Variants in ADGRL2 observed in about 807,000 individuals in gnomAD.
ADGRL2 encodes calcium-independent alpha-latrotoxin receptor 2.
A neutral mutation model predicts 157.4 loss-of-function variants in ADGRL2; 44 were observed. The ratio of observed to expected loss-of-function variants is 0.28; its 90% confidence interval spans 0.22 to 0.36. The LOEUF (loss-of-function observed/expected upper bound fraction) is 0.36, where lower values mean the gene tolerates loss of function less well. Among genes scored for constraint, ADGRL2 ranks in the 10% least tolerant of loss-of-function variants. ADGRL2 has a pLI of 1.00. For missense variants in ADGRL2, 1,510 were observed against 1,768.9 expected (o/e 0.85, Z 2.63); for synonymous variants, 585 against 624.7 (o/e 0.94, Z 0.95).
Position 81,719,377 on chromosome 1 carries a change from C to T in ADGRL2, c.-143+19569C>T, listed in dbSNP as rs535997159. On this transcript the variant is annotated intron_variant, in intron 1 of 20. Transcript: ENST00000359929. The stretch of plus-strand genomic sequence containing the variant: ...CTACAGACTCCTTAAGACAATATTC[C>T]TAAAGTTACTATATTTTTCAGTTTT... Among the ~76,000 whole-genome samples the T allele has an allele frequency of 2.0e-5, 3 of 152,278 alleles. No individual in the cohort carries two copies. The South Asian group carries it at 6.2e-4, about 32-fold the overall frequency.
chr1:81,768,127 A>C (rs1417739886), intron 2 of ADGRL2, among the ~76,000 whole-genome samples: 2 of 148,586 alleles, frequency 1.3e-5, no homozygotes, highest in East Asian at 4.1e-4. Context: ...CTCACTACAA[A>C]CTTGAACTCC....
intron 1 of ADGRL2, among the ~76,000 whole-genome samples, chr1:81,322,660 A>T (rs927614971): frequency 2.6e-5 from 4 of 152,122 alleles, no homozygotes; most frequent in African/African-American, 9.7e-5. Flanking sequence ...GGCATATTAT[A>T]ATTAGTTCTA....
intron 1 of ADGRL2, among the ~76,000 whole-genome samples, chr1:81,413,606 C>T (rs552962858): frequency 4.5e-4 from 68 of 152,192 alleles, no homozygotes; most frequent in Middle Eastern, 3.4e-3. Context: ...TGTCCTCGTT[C>T]GAGAGTTGTT....
rs1297530576 is a variant in ADGRL2 at position 81,968,026 on chromosome 1, C to G, written c.2350C>G (p.Pro784Ala). Residue 784 changes from proline to alanine, a missense_variant and splice_region_variant, in exon 14 of 24, where the codon CCT (proline) becomes GCT (alanine). Coordinates refer to ENST00000686636, the MANE Select transcript of ADGRL2 (RefSeq NM_001366006.2). ...PVLFTLPHID[P>A]DNYFNANCSF... ...TTTATCTTGTCATTTTATTTCCCAGCCTGACAATTATTTCAATGCAAACTG... is the reference window on the plus strand; with the variant it reads ...TTTATCTTGTCATTTTATTTCCCAGGCTGACAATTATTTCAATGCAAACTG... 6.2e-7 allele frequency: 1 copy of G among 1,612,094 alleles called. No individual in the cohort carries two copies. The highest frequency in any genetic ancestry group is 1.1e-5 in the South Asian group (1 of 90,936).
intron 14 of ADGRL2, 56 bp downstream of exon 14, chr1:81,968,255 G>C: frequency 7.0e-7 from 1 of 1,437,942 alleles, no homozygotes; most frequent in Non-Finnish European, 9.7e-7. Context: ...ATTCAAAACA[G>C]CTTGTATAAT....
In ADGRL2 at chr1:81,452,858, G is replaced by A. The variant is rs554447087; in HGVS notation, c.-248+7769G>A. Among the ~76,000 whole-genome samples the A allele has an allele frequency of 2.0e-5, 3 of 152,272 alleles. No homozygotes were observed. In the South Asian group the frequency reaches 6.2e-4, roughly 32 times the overall value. On this transcript the variant is annotated intron_variant, in intron 2 of 24. Coordinates refer to the ADGRL2 transcript ENST00000370721. The stretch of plus-strand genomic sequence containing the variant: ...GAGCATGAGACCTGAACAGGGAAGA[G>A]AGTGTTGAAGTTCCCCAGGCAATGG...
upstream of ADGRL2, among the ~76,000 whole-genome samples, chr1:81,695,541 T>G (rs1396598786): frequency 6.6e-6 from 1 of 152,090 alleles, no homozygotes; most frequent in Non-Finnish European, 1.5e-5. Flanking sequence ...AGTATGAGGC[T>G]GGGTATGGTG....
At chr1:81,382,505 C>T (rs1427853716) in intron 1 of ADGRL2, among the ~76,000 whole-genome samples, 1 of 152,068 alleles carries the variant, frequency 6.6e-6, no homozygotes, top group African/African-American at 2.4e-5. Flanking sequence ...TTTTCAATTG[C>T]ACGCCATTGT....
At chr1:81,745,217 T>G (rs1408025209) in intron 1 of ADGRL2, among the ~76,000 whole-genome samples, 1 of 152,156 alleles carries the variant, frequency 6.6e-6, no homozygotes, top group African/African-American at 2.4e-5. Context: ...ACAAAAATAG[T>G]TTAACTTTTT....
chr1:81,734,167 T>C (rs2084818559), intron 1 of ADGRL2, among the ~76,000 whole-genome samples: 3 of 149,310 alleles, frequency 2.0e-5, no homozygotes, highest in Admixed American at 2.0e-4. Flanking sequence ...TCCCAGCTAC[T>C]CGGAAGGCTG....
intron 1 of ADGRL2, among the ~76,000 whole-genome samples, chr1:81,343,571 G>C (rs1662246818): frequency 1.3e-5 from 2 of 152,136 alleles, no homozygotes; most frequent in African/African-American, 2.4e-5. Context: ...CCTTATTTCT[G>C]ATAGTGGGGT....
chr1:81,962,580 T>C (rs1473945709), intron 11 of ADGRL2, among the ~76,000 whole-genome samples: 1 of 152,196 alleles, frequency 6.6e-6, no homozygotes, highest in East Asian at 1.9e-4. Flanking sequence ...AGGAAAATTT[T>C]CTCTACATTG....
intron 1 of ADGRL2, among the ~76,000 whole-genome samples, chr1:81,308,559 A>G (rs900207887): frequency 1.3e-5 from 2 of 152,214 alleles, no homozygotes; most frequent in Non-Finnish European, 2.9e-5. Context: ...AAAAGTGGCC[A>G]AGGAGATCTT....
At chr1:81,338,273 G>C (rs1488996608) in intron 1 of ADGRL2, among the ~76,000 whole-genome samples, 2 of 152,124 alleles carry the variant, frequency 1.3e-5, no homozygotes, top group Non-Finnish European at 2.9e-5. Flanking sequence ...TAAGGCCCAA[G>C]AATCTCTTAA....
chr1:81,925,807 G>A (rs2095091341), intron 3 of ADGRL2, among the ~76,000 whole-genome samples: 1 of 151,896 alleles, frequency 6.6e-6, no homozygotes, highest in Admixed American at 6.6e-5. Flanking sequence ...AATTCAAATA[G>A]AAAATCGTTT....
intron 2 of ADGRL2, among the ~76,000 whole-genome samples, chr1:81,520,265 C>A (rs1210407206): frequency 6.6e-6 from 1 of 152,060 alleles, no homozygotes; most frequent in African/African-American, 2.4e-5. Flanking sequence ...AATACACATC[C>A]TTTTGAGATA....
At chr1:81,561,299 A>G (rs2080433910) in intron 2 of ADGRL2, among the ~76,000 whole-genome samples, 1 of 152,098 alleles carries the variant, frequency 6.6e-6, no homozygotes. Context: ...TTGTTCACCG[A>G]TATAACTCCC....
At chr1:81,970,600 A>G (rs866931340) in intron 16 of ADGRL2, 66 bp downstream of exon 16, 4 of 1,170,238 alleles carry the variant, frequency 3.4e-6, no homozygotes, top group Non-Finnish European at 3.8e-6. Flanking sequence ...GTTAGCTGTC[A>G]GTGAGGGTCC....
At chr1:81,719,160 C>T (rs1370190479) in intron 1 of ADGRL2, among the ~76,000 whole-genome samples, 6 of 152,178 alleles carry the variant, frequency 3.9e-5, no homozygotes, top group Non-Finnish European at 8.8e-5. Flanking sequence ...TTAAACCTTG[C>T]CTCATGGCAA....
Sources: gnomAD v4.1 joint callset for allele counts (sites outside exome capture counted in the v4.1 genomes callset) on GRCh38, gnomAD v4.1.1 for gene constraint, MANE v1.5 for transcripts, NCBI Gene and HGNC (gene_info 2026-07-23, HGNC 2026-07-21) for gene names.